Variants in PCDH9 observed in about 807,000 individuals in gnomAD.
The protein encoded by PCDH9 is protocadherin-9.
Under a neutral mutation model 70.6 loss-of-function variants are expected in PCDH9, and 24 were observed. That is an observed-to-expected ratio of 0.34 (90% CI 0.25 to 0.48). The LOEUF is 0.48. PCDH9 is among the 20% of genes least tolerant of loss of function. PCDH9 has a pLI of 0.99. For synonymous variants in PCDH9, 562 were observed against 558.5 expected (o/e 1.01, Z -0.09); for missense variants, 1,281 against 1,503.6 (o/e 0.85, Z 2.45).
rs139788279 is a variant in PCDH9 at position 67,148,518 on chromosome 13, C to T, written c.3036+76887G>A. 2.3e-3 allele frequency among the ~76,000 whole-genome samples: 356 copies of T among 151,926 alleles called. 3 individuals carry two copies. The highest frequency in any genetic ancestry group is 8.3e-3 in the African/African-American group (342 of 41,454). On this transcript the variant is annotated intron_variant, in intron 2 of 4. Coordinates refer to ENST00000377865, the MANE Select transcript of PCDH9 (RefSeq NM_203487.3). ...TGCAATAACCAGCATTTGGTTAGAACACCCGTGCAAGTTTTAATTTTAAAT... is the reference window on the plus strand; with the variant it reads ...TGCAATAACCAGCATTTGGTTAGAATACCCGTGCAAGTTTTAATTTTAAAT...
intron 2 of PCDH9, among the ~76,000 whole-genome samples, chr13:67,184,423 C>G (rs1244797405): frequency 6.6e-6 from 1 of 151,924 alleles, no homozygotes; most frequent in African/African-American, 2.4e-5. Context: ...TATGGAGGTA[C>G]AGGTTTCAAA....
chr13:66,756,373 C>G (rs927566), intron 3 of PCDH9, among the ~76,000 whole-genome samples: 1 of 151,944 alleles, frequency 6.6e-6, no homozygotes, highest in African/African-American at 2.4e-5. Flanking sequence ...AGAAGACTAT[C>G]AAGTCTGAAA....
At chr13:66,785,990 G>A (rs79384719) in intron 3 of PCDH9, among the ~76,000 whole-genome samples, 2,874 of 152,138 alleles carry the variant, frequency 0.019, 86 homozygotes, top group African/African-American at 0.065. Context: ...CCTATAGAGC[G>A]CTGCCCAGCA....
At chr13:66,996,189 G>A (rs886924888) in intron 2 of PCDH9, 7 of 152,126 alleles carry the variant, frequency 4.6e-5, no homozygotes, top group African/African-American at 1.4e-4. Context: ...TCTTACCAGC[G>A]GGACATTTTA....
chr13:66,491,205 T>C (rs546983360), intron 4 of PCDH9, among the ~76,000 whole-genome samples: 76 of 152,258 alleles, frequency 5.0e-4, no homozygotes, highest in African/African-American at 1.8e-3. Flanking sequence ...GGATTGTGTT[T>C]GATAAGTCCA....
At chr13:67,094,015 T>A (rs2086271429) in intron 2 of PCDH9, among the ~76,000 whole-genome samples, 1 of 152,196 alleles carries the variant, frequency 6.6e-6, no homozygotes, top group Admixed American at 6.5e-5. Flanking sequence ...CCATTGTCTC[T>A]GAAGAATACA....
intron 4 of PCDH9, among the ~76,000 whole-genome samples, chr13:66,551,903 T>A (rs1226549928): frequency 6.6e-6 from 1 of 152,184 alleles, no homozygotes; most frequent in African/African-American, 2.4e-5. Flanking sequence ...GTATTTCATA[T>A]GAAGATTTTG....
chr13:67,165,357 C>T (rs2088082490), intron 2 of PCDH9, among the ~76,000 whole-genome samples: 1 of 151,986 alleles, frequency 6.6e-6, no homozygotes, highest in African/African-American at 2.4e-5. Flanking sequence ...TTCAGCATTC[C>T]ATTTAATTTT....
chr13:67,176,827 T>A (rs1298583561), intron 2 of PCDH9, among the ~76,000 whole-genome samples: 1 of 152,130 alleles, frequency 6.6e-6, no homozygotes, highest in African/African-American at 2.4e-5. Context: ...TAAAAATCTA[T>A]CCTACTTTCA....
chr13:66,315,128 C>A (rs928943361), intron 4 of PCDH9, among the ~76,000 whole-genome samples: 5 of 152,150 alleles, frequency 3.3e-5, no homozygotes, highest in Non-Finnish European at 7.4e-5. Flanking sequence ...GGGCAGCCCC[C>A]CACTGGGCAG....
chr13:66,730,885 TTG>T (rs756573273), intron 3 of PCDH9, among the ~76,000 whole-genome samples: 244 of 12,222 alleles, frequency 0.02, 6 homozygotes, highest in Middle Eastern at 0.14. Context: ...TGTTTTTTTT[TTG>T]TTTGTTTCTT....
At chr13:66,549,576 T>C (rs1961383710) in intron 4 of PCDH9, among the ~76,000 whole-genome samples, 1 of 152,166 alleles carries the variant, frequency 6.6e-6, no homozygotes, top group Non-Finnish European at 1.5e-5. Context: ...AGGGCACTGC[T>C]GCTCAGTTAA....
At chr13:66,858,506 G>A (rs906467375) in intron 3 of PCDH9, among the ~76,000 whole-genome samples, 1 of 152,088 alleles carries the variant, frequency 6.6e-6, no homozygotes, top group Non-Finnish European at 1.5e-5. Context: ...CTTACATTAA[G>A]CCTAACACTC....
chr13:66,562,167 C>T (rs1566419184), intron 4 of PCDH9, among the ~76,000 whole-genome samples: 3 of 151,680 alleles, frequency 2.0e-5, no homozygotes, highest in Non-Finnish European at 2.9e-5. Context: ...ATTCCGGACA[C>T]AGTACTAGTT....
At chr13:66,871,002 T>G (rs1762357796) in intron 3 of PCDH9, among the ~76,000 whole-genome samples, 1 of 152,096 alleles carries the variant, frequency 6.6e-6, no homozygotes, top group Non-Finnish European at 1.5e-5. Context: ...TGTCCAACAA[T>G]GATAGGCTGG....
chr13:66,901,221 A>G (rs1324049795), intron 3 of PCDH9, among the ~76,000 whole-genome samples: 4 of 151,826 alleles, frequency 2.6e-5, no homozygotes, highest in Non-Finnish European at 1.5e-5. Context: ...CATGTTAAAG[A>G]AATTAAATGT....
chr13:66,662,826 A>G (rs376513172), intron 3 of PCDH9, among the ~76,000 whole-genome samples: 1 of 152,222 alleles, frequency 6.6e-6, no homozygotes, highest in South Asian at 2.1e-4. Context: ...GTATGTTATA[A>G]GAGAATTAGT....
chr13:66,533,822 G>A (rs1420248025), intron 4 of PCDH9, among the ~76,000 whole-genome samples: 1 of 152,034 alleles, frequency 6.6e-6, no homozygotes, highest in African/African-American at 2.4e-5. Flanking sequence ...TCATCTAACT[G>A]GCCTTCCAAC....
intron 3 of PCDH9, among the ~76,000 whole-genome samples, chr13:66,724,649 C>G (rs2078982901): frequency 6.6e-6 from 1 of 152,130 alleles, no homozygotes; most frequent in South Asian, 2.1e-4. Context: ...TTTTGGCGCC[C>G]TACTCCCATC....
Sources: allele counts gnomAD v4.1 joint callset (sites outside exome capture counted in the v4.1 genomes callset), GRCh38; gene constraint gnomAD v4.1.1; transcripts MANE v1.5; gene names NCBI Gene and HGNC (gene_info 2026-07-23, HGNC 2026-07-21).